Variants in KCNH1 observed in about 807,000 individuals in gnomAD.
KCNH1 encodes potassium voltage-gated channel subfamily H member 1.
In KCNH1, 27 loss-of-function variants were observed where a neutral mutation model predicts 69.2. The observed-to-expected ratio is 0.39, with a 90% CI of 0.29 to 0.54. The LOEUF (loss-of-function observed/expected upper bound fraction) is 0.54. Among genes scored for constraint, KCNH1 ranks in the 20% least tolerant of loss-of-function variants. The pLI is 0.68. For synonymous variants in KCNH1, 456 were observed against 487.7 expected (o/e 0.93, Z 0.86); for missense variants, 798 against 1,261.6 (o/e 0.63, Z 5.57).
At chr1:210,754,863 C>T (rs965127504) in intron 10 of KCNH1, among the ~76,000 whole-genome samples, 34 of 152,006 alleles carry the variant, frequency 2.2e-4, no homozygotes, top group African/African-American at 7.7e-4. Context: ...CACACACACA[C>T]ACACACACAC....
chr1:211,066,814 G>C (rs1433957336), intron 5 of KCNH1, among the ~76,000 whole-genome samples: 5 of 152,166 alleles, frequency 3.3e-5, no homozygotes, highest in Non-Finnish European at 7.3e-5. Flanking sequence ...CCCTGTAACT[G>C]AGGGGAAAAC....
At chr1:210,815,951 G>C (rs1428739402) in intron 7 of KCNH1, among the ~76,000 whole-genome samples, 1 of 152,176 alleles carries the variant, frequency 6.6e-6, no homozygotes, top group Non-Finnish European at 1.5e-5. Context: ...AAGCAAAGTG[G>C]TATATTTAAA....
chr1:210,703,630 T>C (rs1416863128), intron 10 of KCNH1, among the ~76,000 whole-genome samples: 1 of 152,226 alleles, frequency 6.6e-6, no homozygotes, highest in Non-Finnish European at 1.5e-5. Context: ...TTTTCTTCAA[T>C]GATAATGCTA....
intron 7 of KCNH1, among the ~76,000 whole-genome samples, chr1:210,826,070 C>A (rs2102432538): frequency 1.3e-5 from 2 of 152,092 alleles, no homozygotes; most frequent in South Asian, 4.2e-4. Context: ...CTATTTTATT[C>A]TTTTTAAATT....
At chr1:210,934,409 C>T (rs906598328) in intron 6 of KCNH1, among the ~76,000 whole-genome samples, 4 of 152,150 alleles carry the variant, frequency 2.6e-5, no homozygotes, top group Non-Finnish European at 5.9e-5. Flanking sequence ...AATTCCAGCA[C>T]TTTGTGGGGC....
In KCNH1 at chr1:210,710,345, C is replaced by G. The variant is rs952697494; in HGVS notation, c.2113-26207G>C. 7.3e-5 allele frequency among the ~76,000 whole-genome samples: 11 copies of G among 151,478 alleles called. No individual in the cohort carries two copies. In the East Asian group the frequency reaches 2.1e-3, roughly 29 times the overall value. ...AGGCCTAGGACATTCCTGTACACTACTATAGACTATAAACAGTATATGTAG... is the reference window on the plus strand; with the variant it reads ...AGGCCTAGGACATTCCTGTACACTAGTATAGACTATAAACAGTATATGTAG... On this transcript the variant is annotated intron_variant, in intron 10 of 10. Coordinates refer to ENST00000271751, the MANE Select transcript of KCNH1 (RefSeq NM_172362.3).
chr1:210,911,701 C>A (rs978449439), intron 7 of KCNH1, among the ~76,000 whole-genome samples: 1 of 151,174 alleles, frequency 6.6e-6, no homozygotes, highest in Non-Finnish European at 1.5e-5. Context: ...GAGACAATGA[C>A]CCTTATCGGT....
chr1:211,090,662 A>G lies in KCNH1; in HGVS notation c.339T>C (p.Ile113=). 6.2e-7 allele frequency: 1 copy of G among 1,606,404 alleles called. No individual in the cohort carries two copies. The highest frequency in any genetic ancestry group is 8.5e-7 in the Non-Finnish European group (1 of 1,178,536). The change falls in exon 4 of 11, where the codon ATT becomes ATC. Residue 113 remains isoleucine (I), a synonymous_variant. Coordinates refer to ENST00000271751, the MANE Select transcript of KCNH1 (RefSeq NM_172362.3). ...TATCCTGTTCGTTTCGAATTGGAGC[A>G]ATTTTCACAAAGAACCACACAGGTG... ...NRTPVWFFVK[I]APIRNEQDKV... is the part of the protein sequence containing the mutation.
At chr1:210,883,718 T>C (rs1044215517) in intron 7 of KCNH1, among the ~76,000 whole-genome samples, 19 of 152,238 alleles carry the variant, frequency 1.2e-4, no homozygotes, top group African/African-American at 4.6e-4. Flanking sequence ...GAAAGAGCTA[T>C]ACAAATTCAC....
chr1:210,808,386 C>T (rs1684631343), intron 7 of KCNH1, among the ~76,000 whole-genome samples: 1 of 152,144 alleles, frequency 6.6e-6, no homozygotes, highest in African/African-American at 2.4e-5. Context: ...CAGGGATGGA[C>T]AACCATCATT....
At chr1:211,014,665 A>G (rs1259322768) in intron 6 of KCNH1, among the ~76,000 whole-genome samples, 4 of 152,194 alleles carry the variant, frequency 2.6e-5, no homozygotes, top group African/African-American at 7.2e-5. Context: ...GGCAAAGCCA[A>G]CACAGCTCAC....
intron 8 of KCNH1, among the ~76,000 whole-genome samples, chr1:210,801,419 A>G (rs1193823440): frequency 6.6e-6 from 1 of 152,226 alleles, no homozygotes; most frequent in African/African-American, 2.4e-5. Flanking sequence ...CCAGAGGAGC[A>G]GCCAGCCCGC....
At chr1:210,862,024 C>T (rs1229782275) in intron 7 of KCNH1, 7 of 776,978 alleles carry the variant, frequency 9.0e-6, no homozygotes, top group Non-Finnish European at 1.4e-5. Flanking sequence ...AATACAATGG[C>T]AATCTTCTTC....
intron 6 of KCNH1, among the ~76,000 whole-genome samples, chr1:210,976,402 G>A (rs1688610972): frequency 6.7e-6 from 1 of 148,720 alleles, no homozygotes; most frequent in South Asian, 2.2e-4. Context: ...CATACAATGA[G>A]ATACCATCTC....
chr1:210,884,715 C>G (rs549560978), intron 7 of KCNH1, among the ~76,000 whole-genome samples: 1 of 152,208 alleles, frequency 6.6e-6, no homozygotes, highest in African/African-American at 2.4e-5. Flanking sequence ...GCAGTCACTC[C>G]CCTACCAAAG....
At chr1:210,911,951 C>T (rs755669760) in intron 7 of KCNH1, among the ~76,000 whole-genome samples, 1 of 152,132 alleles carries the variant, frequency 6.6e-6, no homozygotes, top group African/African-American at 2.4e-5. Context: ...ACACACATCA[C>T]AAAGAACATT....
intron 6 of KCNH1, among the ~76,000 whole-genome samples, chr1:210,984,860 T>C (rs1286248802): frequency 6.6e-6 from 1 of 152,230 alleles, no homozygotes; most frequent in Non-Finnish European, 1.5e-5. Context: ...GAAGGAATGG[T>C]ACCAGCTCCT....
chr1:210,991,146 G>A (rs569717289), intron 6 of KCNH1, among the ~76,000 whole-genome samples: 1 of 152,288 alleles, frequency 6.6e-6, no homozygotes, highest in South Asian at 2.1e-4. Flanking sequence ...AAAGATATCT[G>A]CATGCTCATC....
chr1:211,036,476 G>A (rs1689901142), intron 5 of KCNH1, among the ~76,000 whole-genome samples: 1 of 152,178 alleles, frequency 6.6e-6, no homozygotes, highest in African/African-American at 2.4e-5. Flanking sequence ...CCATGAGCCT[G>A]TGATCTCCAC....
Sources: gnomAD v4.1 joint callset for allele counts (sites outside exome capture counted in the v4.1 genomes callset) on GRCh38, gnomAD v4.1.1 for gene constraint, MANE v1.5 for transcripts, NCBI Gene and HGNC (gene_info 2026-07-23, HGNC 2026-07-21) for gene names.